The following NACC2 variants were observed in gnomAD, a reference collection of about 807,000 sequenced individuals.
The protein encoded by NACC2 is nucleus accumbens-associated protein 2.
In NACC2, 8 loss-of-function variants were observed where a neutral mutation model predicts 25.1. The observed-to-expected ratio is 0.32, with a 90% CI of 0.19 to 0.57. The LOEUF (loss-of-function observed/expected upper bound fraction) is 0.57, where lower values mean the gene tolerates loss of function less well. Among genes scored for constraint, NACC2 ranks in the 20% least tolerant of loss-of-function variants. The probability of loss-of-function intolerance (pLI) is 0.89; values close to 1 mark genes in which losing one functional copy is unlikely to be tolerated. For missense variants in NACC2, 644 were observed against 650.2 expected, an observed-to-expected ratio of 0.99 and a Z score of 0.10; for synonymous variants, 435 against 294.7, an observed-to-expected ratio of 1.48 and a Z score of -4.88.
intron 1 of NACC2, among the ~76,000 whole-genome samples, chr9:136,051,138 G>A (rs879940785): frequency 0.011 from 1,634 of 152,312 alleles, 13 homozygotes; most frequent in Non-Finnish European, 0.018. Context: ...AGGCGGGCCA[G>A]CGTCCCCTAG....
rs1292345927 is a variant in NACC2, at chr9:136,091,985, A to G, written c.-60+3204T>C. ...ACAGCCAAGGCCCAAACAACCTTCC[A>G]GTCACATCTCCTCTGTGACTCTGGA... On this transcript the variant is annotated intron_variant, in intron 1 of 5. Coordinates refer to ENST00000277554, the MANE Select transcript of NACC2 (RefSeq NM_144653.5). Among the ~76,000 whole-genome samples the G allele has an allele frequency of 3.9e-5, 6 of 152,286 alleles. No homozygotes were observed. The South Asian group carries it at 8.3e-4, about 21-fold the overall frequency.
At chr9:136,054,278 A>G (rs1840890624) in intron 1 of NACC2, among the ~76,000 whole-genome samples, 1 of 152,160 alleles carries the variant, frequency 6.6e-6, no homozygotes, top group African/African-American at 2.4e-5. Context: ...GCTCTCCCAG[A>G]GAAGGGACCA....
At chr9:136,092,848 A>G (rs1210224949) in intron 1 of NACC2, among the ~76,000 whole-genome samples, 1 of 152,056 alleles carries the variant, frequency 6.6e-6, no homozygotes, top group Non-Finnish European at 1.5e-5. Flanking sequence ...CCCTCATCCC[A>G]CCGGCCACAG....
chr9:136,011,506 C>A lies in NACC2; in HGVS notation c.*10G>T. The A allele has an allele frequency of 7.3e-7, 1 of 1,374,144 alleles. No homozygotes were observed. The highest frequency in any genetic ancestry group is 1.9e-5 in the South Asian group (1 of 52,288). 85.1% of individuals were successfully genotyped at this position (1,374,144 alleles called of 1,614,324 possible). On this transcript the variant is annotated 3_prime_UTR_variant, in exon 6 of 6. Transcript: ENST00000277554. The stretch of plus-strand genomic sequence containing the variant: ...AGTACTCGGTCCCTCGCGCAGCCAC[C>A]CAGCTCCGCTTACAAGGTCCCTGCA...
In NACC2 at chr9:136,050,592, A is replaced by G; in HGVS notation, c.-59-12T>C. 2 of 710,902 alleles carry G rather than the reference A, an allele frequency of 2.8e-6. No homozygotes were observed. The highest frequency in any genetic ancestry group is 5.3e-5 in the East Asian group (2 of 37,890). The allele number at this position is 710,902 out of a possible 1,614,324, so 44.0% of individuals were successfully genotyped here. A position where few individuals can be genotyped will look rare whatever the true frequency, so the allele number is the denominator to read the frequency against. ...CTAGCGGGGCTCATCTGTGGGGGGC[A>G]GGAGGCACGTGGTCAGTTCCTCCAG... On this transcript the variant is annotated splice_polypyrimidine_tract_variant and intron_variant, in intron 1 of 5. Coordinates refer to ENST00000277554, the MANE Select transcript of NACC2 (RefSeq NM_144653.5).
intron 1 of NACC2, among the ~76,000 whole-genome samples, chr9:136,054,692 G>A (rs896569866): frequency 5.9e-5 from 9 of 151,722 alleles, no homozygotes; most frequent in African/African-American, 2.2e-4. Context: ...ATTCTCCAGT[G>A]ACTCAGTTTC....
intron 1 of NACC2, among the ~76,000 whole-genome samples, chr9:136,089,783 C>A (rs968681599): frequency 1.4e-5 from 2 of 145,300 alleles, no homozygotes; most frequent in Admixed American, 6.8e-5. Flanking sequence ...TTTTTTTTTT[C>A]TTTTTTATTA....
chr9:136,026,972 T>C (rs543981982), intron 2 of NACC2, among the ~76,000 whole-genome samples: 3 of 152,306 alleles, frequency 2.0e-5, no homozygotes, highest in Non-Finnish European at 2.9e-5. Context: ...CTCATGCCTG[T>C]AATCCCAGCA....
chr9:136,050,490 T>C lies in NACC2; in HGVS notation c.32A>G (p.Asn11Ser), dbSNP rs1209557744. ...GCAGCCCAGCACTGTGTTCCCGAAG[T>C]TGGGGATCTCGATGTGCAGCATCTG... MSQMLHIEIPNFGNTVLGCLN... is the reference protein window; with the variant it reads MSQMLHIEIPSFGNTVLGCLN... Residue 11 changes from asparagine (N) to serine (S), a missense_variant, in exon 2 of 6, where the codon AAC becomes AGC. Coordinates refer to ENST00000277554, the MANE Select transcript of NACC2 (RefSeq NM_144653.5). 2.6e-6 allele frequency: 2 copies of C among 764,468 alleles called. No homozygotes were observed. Among genetic ancestry groups the C allele is most frequent in the Non-Finnish European group, 4.8e-6 (2 of 417,466 alleles). 47.4% of individuals were successfully genotyped at this position (764,468 alleles called of 1,614,324 possible).
intron 2 of NACC2, among the ~76,000 whole-genome samples, chr9:136,044,772 C>G (rs931996880): frequency 6.6e-6 from 1 of 152,238 alleles, no homozygotes; most frequent in African/African-American, 2.4e-5. Flanking sequence ...CCCTGCTCCC[C>G]GACCGGGCAG....
rs895166604 is a variant in NACC2, at chr9:136,045,910, C to G, written c.886+3726G>C. 6.6e-4 allele frequency among the ~76,000 whole-genome samples: 100 copies of G among 152,250 alleles called. 1 individual carries two copies. Among genetic ancestry groups the G allele is most frequent in the African/African-American group, 2.3e-3 (97 of 41,558 alleles). ...GCCCCCACCCCAAGCCCAGCCCCAG[C>G]TGGCGCTGCCCACCCGGCCGGCTGC... On this transcript the variant is annotated intron_variant, in intron 2 of 5. Transcript: ENST00000277554.
chr9:136,049,938 G>A lies in NACC2; in HGVS notation c.584C>T (p.Thr195Met), dbSNP rs1840792328. ...PGLAPKRPLE[T>M]GPRDGVAVAA... ...CACCGCCACGCCGTCCCGGGGCCCC[G>A]TCTCCAGCGGGCGCTTGGGGGCCAG... is the stretch of plus-strand genomic sequence containing the variant. The change falls in exon 2 of 6, where the codon ACG (threonine) becomes ATG (methionine). Residue 195 changes from threonine (T) to methionine (M), a missense_variant. By Grantham distance (81) the Thr-to-Met change is moderately conservative. Transcript: ENST00000277554. 8.6e-6 allele frequency: 5 copies of A among 579,354 alleles called. No homozygotes were observed. The highest frequency in any genetic ancestry group is 3.4e-5 in the Admixed American group (1 of 29,398). 35.9% of individuals were successfully genotyped at this position (579,354 alleles called of 1,614,324 possible). A position where few individuals can be genotyped will look rare whatever the true frequency, so the allele number is the denominator to read the frequency against.
intron 1 of NACC2, among the ~76,000 whole-genome samples, chr9:136,063,808 G>A (rs1841044487): frequency 6.7e-6 from 1 of 149,010 alleles, no homozygotes; most frequent in Non-Finnish European, 1.5e-5. Flanking sequence ...ACTTGAACCC[G>A]AGAGGTGGAG....
intron 2 of NACC2, among the ~76,000 whole-genome samples, chr9:136,017,379 C>T (rs1201510395): frequency 6.6e-6 from 1 of 152,154 alleles, no homozygotes; most frequent in African/African-American, 2.4e-5. Context: ...TCATGGAGGG[C>T]CAGGGCTGAG....
intron 2 of NACC2, among the ~76,000 whole-genome samples, chr9:136,042,845 C>T (rs1712717308): frequency 6.8e-6 from 1 of 146,078 alleles, no homozygotes; most frequent in Admixed American, 7.2e-5. Flanking sequence ...CAGACACATA[C>T]AGACACACAC....
chr9:136,076,165 T>C (rs891275374), intron 1 of NACC2, among the ~76,000 whole-genome samples: 3 of 152,224 alleles, frequency 2.0e-5, no homozygotes, highest in East Asian at 3.8e-4. Context: ...CTAAGTCTCC[T>C]ATATGCAACC....
At position 136,055,247 on chromosome 9, in the gene NACC2, T is replaced by G. The variant is rs1840906911; in HGVS notation, c.-59-4667A>C. On this transcript the variant is annotated intron_variant, in intron 1 of 5. Transcript: ENST00000277554. This position sits in a 1 kb window ranked among gnomAD's most constrained non-coding sequence, Gnocchi z 4.9. ...TGCAGCCAGACGCGCACACAGGGGT[T>G]GGGGCAGCGTCTCCAGAACGACCCC... is the stretch of plus-strand genomic sequence containing the variant. Among the ~76,000 whole-genome samples the G allele has an allele frequency of 6.6e-6, 1 of 152,110 alleles. No individual in the cohort carries two copies. The highest frequency in any genetic ancestry group is 1.5e-5 in the Non-Finnish European group (1 of 67,988).
intron 1 of NACC2, among the ~76,000 whole-genome samples, chr9:136,081,480 G>A (rs1830324417): frequency 6.6e-6 from 1 of 152,256 alleles, no homozygotes; most frequent in Non-Finnish European, 1.5e-5. Flanking sequence ...CAGGAAGGCG[G>A]TGCCGGGCGT....
Position 136,011,156 on chromosome 9 carries a change from C to T in NACC2, c.*360G>A, listed in dbSNP as rs368439258. The T allele has an allele frequency of 8.1e-5, 14 of 173,288 alleles. No homozygotes were observed. The highest frequency in any genetic ancestry group is 4.0e-4 in the South Asian group (2 of 5,020). 10.7% of individuals were successfully genotyped at this position (173,288 alleles called of 1,614,324 possible). On this transcript the variant is annotated 3_prime_UTR_variant, in exon 6 of 6. Transcript: ENST00000277554. ...CACCGCCGGCCCCTGCTTCGTCTTCCGGGCAGGAGGAGCAGGAAGGGCAGG... is the reference window on the plus strand; with the variant it reads ...CACCGCCGGCCCCTGCTTCGTCTTCTGGGCAGGAGGAGCAGGAAGGGCAGG...
Sources: gnomAD v4.1 joint callset for allele counts (sites outside exome capture counted in the v4.1 genomes callset) on GRCh38, gnomAD v4.1.1 for gene constraint, Gnocchi (gnomAD v3.1) non-coding constraint, MANE v1.5 for transcripts, NCBI Gene and HGNC (gene_info 2026-07-23, HGNC 2026-07-21) for gene names.